Variants in DYNC2H1 observed in about 807,000 individuals in gnomAD.
DYNC2H1 encodes the protein dynein cytoplasmic 2 heavy chain 1, also known as cytoplasmic dynein 2 heavy chain 1.
In DYNC2H1, 410 loss-of-function variants were observed where a neutral mutation model predicts 570.0. The ratio of observed to expected loss-of-function variants is 0.72; its 90% CI spans 0.66 to 0.78. The LOEUF (loss-of-function observed/expected upper bound fraction) is 0.78, where lower values mean the gene tolerates loss of function less well. DYNC2H1 is among the 30% of genes least tolerant of loss of function. The probability of loss-of-function intolerance (pLI) is 0.00; values close to 1 mark genes in which losing one functional copy is unlikely to be tolerated. For missense variants in DYNC2H1, 4,865 were observed against 5,046.4 expected, an observed-to-expected ratio of 0.96 and a Z score of 1.09; for synonymous variants, 1,688 against 1,677.6, an observed-to-expected ratio of 1.01 and a Z score of -0.15.
chr11:103,354,403 A>G (rs560934731), intron 82 of DYNC2H1, among the ~76,000 whole-genome samples: 2 of 152,106 alleles, frequency 1.3e-5, no homozygotes, highest in South Asian at 2.1e-4. Context: ...CTTCCATACA[A>G]TACGGTGATT....
intron 86 of DYNC2H1, among the ~76,000 whole-genome samples, chr11:103,455,562 C>T (rs771320608): frequency 1.1e-4 from 17 of 151,996 alleles, no homozygotes; most frequent in Non-Finnish European, 2.5e-4. Context: ...CTGTGCTGTC[C>T]ACTATGGTAG....
intron 73 of DYNC2H1, among the ~76,000 whole-genome samples, 162 bp from the exon 74 acceptor site, chr11:103,286,093 C>G (rs1340776070): frequency 6.6e-6 from 1 of 152,070 alleles, no homozygotes; most frequent in Non-Finnish European, 1.5e-5. Context: ...GTGAGTTTAC[C>G]ATAGAGTTGC....
chr11:103,418,079 T>C (rs1299585059), intron 84 of DYNC2H1, among the ~76,000 whole-genome samples: 2 of 151,918 alleles, frequency 1.3e-5, no homozygotes, highest in African/African-American at 2.4e-5. Context: ...ATACAACTAA[T>C]ATGACAGTAA....
At chr11:103,116,466 C>A (rs1023923440) in intron 4 of DYNC2H1, 104 bp from the exon 5 acceptor site, 3 of 776,222 alleles carry the variant, frequency 3.9e-6, no homozygotes, top group Non-Finnish European at 3.6e-6. Context: ...AATAATATGG[C>A]AAATATTAGA....
At chr11:103,188,759 C>T (rs1018717062) in intron 44 of DYNC2H1, 111 bp downstream of exon 44, 5 of 878,876 alleles carry the variant, frequency 5.7e-6, no homozygotes, top group African/African-American at 5.2e-5. Context: ...TAAAAATGGT[C>T]AAACTTAACC....
At position 103,143,372 on chromosome 11, in the gene DYNC2H1, G is replaced by A; in HGVS notation, c.2679G>A (p.Gly893=). Residue 893 remains glycine (G), a synonymous_variant, in exon 18 of 89, where the codon GGG becomes GGA. Transcript: ENST00000375735. ...EKNFKALKIK[G]KEVERLPSAV... is the part of the protein sequence containing the mutation. Reference sequence around the variant, plus strand: ...ATTTTAAAGCATTAAAAATAAAGGGGAAAGAAGTAGAACGACTTCCAAGGT... The same window carrying A: ...ATTTTAAAGCATTAAAAATAAAGGGAAAAGAAGTAGAACGACTTCCAAGGT... The A allele has an allele frequency of 2.5e-6, 4 of 1,610,932 alleles. No individual in the cohort carries two copies. Among genetic ancestry groups the A allele is most frequent in the East Asian group, 2.2e-5 (1 of 44,740 alleles).
rs1225543971 is a variant in DYNC2H1, at chr11:103,312,311, C to T, written c.11649+278C>T. Among the ~76,000 whole-genome samples, 38 of 142,186 alleles carry T rather than the reference C, an allele frequency of 2.7e-4. 1 individual carries two copies. The highest frequency in any genetic ancestry group is 6.6e-4 in the African/African-American group (25 of 37,708). 93.3% of individuals were successfully genotyped at this position (142,186 alleles called of 152,430 possible). Reference sequence around the variant, plus strand: ...AGGAGAATCGCTTGAACCCGGGAGGCGGAGTTTGTGGTGAGCCGAGATTGT... The same window carrying T: ...AGGAGAATCGCTTGAACCCGGGAGGTGGAGTTTGTGGTGAGCCGAGATTGT... On this transcript the variant is annotated intron_variant, in intron 79 of 88. Coordinates refer to ENST00000375735, the MANE Select transcript of DYNC2H1 (RefSeq NM_001377.3).
intron 77 of DYNC2H1, among the ~76,000 whole-genome samples, chr11:103,306,012 A>G (rs1284118914): frequency 6.6e-6 from 1 of 152,110 alleles, no homozygotes; most frequent in East Asian, 1.9e-4. Flanking sequence ...CCCAAGTTCA[A>G]ATGATTCTCG....
chr11:103,440,365 C>T (rs1344066053), intron 85 of DYNC2H1, among the ~76,000 whole-genome samples: 1 of 152,106 alleles, frequency 6.6e-6, no homozygotes, highest in Non-Finnish European at 1.5e-5. Context: ...TCATTTTAAA[C>T]TTCTGCTTCA....
At chr11:103,173,816 G>A (rs151011905) in intron 35 of DYNC2H1, among the ~76,000 whole-genome samples, 2 of 152,194 alleles carry the variant, frequency 1.3e-5, no homozygotes, top group African/African-American at 2.4e-5. Context: ...TTGTCATTTG[G>A]TGTCTTCATT....
In DYNC2H1 at chr11:103,465,287, G is replaced by A. The variant is rs570849041; in HGVS notation, c.12649-3302G>A. Among the ~76,000 whole-genome samples the A allele has an allele frequency of 2.8e-4, 42 of 152,232 alleles. No homozygotes were observed. The highest frequency in any genetic ancestry group is 3.4e-3 in the Middle Eastern group (1 of 294). ...TTACTTAAAGATATACATTTCAGTCGTGATCACGCAGATAATTTGAGAAGT... is the reference window on the plus strand; with the variant it reads ...TTACTTAAAGATATACATTTCAGTCATGATCACGCAGATAATTTGAGAAGT... On this transcript the variant is annotated intron_variant, in intron 87 of 88. Transcript: ENST00000375735. This position sits in a 1 kb window ranked among gnomAD's most constrained non-coding sequence, Gnocchi z 4.9.
intron 70 of DYNC2H1, among the ~76,000 whole-genome samples, chr11:103,263,239 CT>C (rs1301813492): frequency 2.0e-5 from 3 of 152,146 alleles, no homozygotes; most frequent in Non-Finnish European, 4.4e-5. Context: ...GAGACTTAGA[CT>C]CCCATGTAGT....
chr11:103,261,808 A>G lies in DYNC2H1; in HGVS notation c.10695+1831A>G, dbSNP rs1294720903. On this transcript the variant is annotated intron_variant, in intron 70 of 88. Coordinates refer to ENST00000375735, the MANE Select transcript of DYNC2H1 (RefSeq NM_001377.3). The surrounding 1 kb of genome is among the most constrained non-coding windows in gnomAD (Gnocchi z 4.8). ...GCCTCTTTTTCTCCAAAGGATCACA[A>G]CTCCTTGCCAGCAAGGGAACAAAAC... 6.6e-6 allele frequency among the ~76,000 whole-genome samples: 1 copy of G among 152,080 alleles called. No individual in the cohort carries two copies. Among genetic ancestry groups the G allele is most frequent in the Non-Finnish European group, 1.5e-5 (1 of 68,016 alleles).
intron 84 of DYNC2H1, chr11:103,403,391 A>T (rs1232974320): frequency 6.6e-6 from 1 of 152,126 alleles, no homozygotes; most frequent in Admixed American, 6.6e-5. Flanking sequence ...CAAGATAACA[A>T]TAGATCATGT....
chr11:103,246,181 A>G (rs1314016107), intron 65 of DYNC2H1, among the ~76,000 whole-genome samples: 1 of 152,028 alleles, frequency 6.6e-6, no homozygotes, highest in Non-Finnish European at 1.5e-5. Flanking sequence ...TATCTAAGCT[A>G]CTGTATAACA....
At chr11:103,348,740 G>A (rs1939889197) in intron 82 of DYNC2H1, among the ~76,000 whole-genome samples, 1 of 152,088 alleles carries the variant, frequency 6.6e-6, no homozygotes, top group African/African-American at 2.4e-5. Context: ...GCTCTGATAT[G>A]GTTTGGCTGT....
chr11:103,467,829 G>A (rs546498784), intron 87 of DYNC2H1, among the ~76,000 whole-genome samples: 5 of 152,112 alleles, frequency 3.3e-5, no homozygotes, highest in Non-Finnish European at 7.3e-5. Context: ...GAGCCACCGC[G>A]CCCAGCCGGC....
At position 103,257,739 on chromosome 11, in the gene DYNC2H1, A is replaced by G. The variant is rs1377659881; in HGVS notation, c.10593A>G (p.Leu3531=). The G allele has an allele frequency of 1.9e-6, 3 of 1,593,618 alleles. No individual in the cohort carries two copies. The highest frequency in any genetic ancestry group is 2.6e-6 in the Non-Finnish European group (3 of 1,169,398). Residue 3531 remains leucine, a synonymous_variant, in exon 69 of 89, where the codon CTA becomes CTG. Transcript: ENST00000375735. ...TTCTCCGACTTTTCCAACGAGCTCT[A>G]CAAAACAAACAGGTAAGCTGTTGGA... ...AAFLRLFQRA[L]QNKQDSENTE...
Position 103,209,148 on chromosome 11 carries a change from A to G in DYNC2H1, c.8455-728A>G, listed in dbSNP as rs1037859041. Among the ~76,000 whole-genome samples the G allele has an allele frequency of 6.6e-6, 1 of 150,712 alleles. No homozygotes were observed. The highest frequency in any genetic ancestry group is 2.5e-5 in the African/African-American group (1 of 40,676). On this transcript the variant is annotated intron_variant, in intron 52 of 88. Coordinates refer to ENST00000375735, the MANE Select transcript of DYNC2H1 (RefSeq NM_001377.3). The surrounding 1 kb of genome is among the most constrained non-coding windows in gnomAD (Gnocchi z 4.2). ...GAGAAATTTAAAAAATGATTTTTTG[A>G]CCTAATTACCAAGATCACTTGTGTT...
Sources: gnomAD v4.1 joint callset for allele counts (sites outside exome capture counted in the v4.1 genomes callset) on GRCh38, gnomAD v4.1.1 for gene constraint, Gnocchi (gnomAD v3.1) non-coding constraint, MANE v1.5 for transcripts, NCBI Gene and HGNC (gene_info 2026-07-23, HGNC 2026-07-21) for gene names.